The following HNRNPC variants were observed in gnomAD, a reference collection of about 807,000 sequenced individuals.
HNRNPC encodes heterogeneous nuclear ribonucleoprotein C, also known as heterogeneous nuclear ribonucleoproteins C1/C2.
A neutral mutation model predicts 33.2 loss-of-function variants in HNRNPC; 3 were observed. The ratio of observed to expected loss-of-function variants is 0.09; its 90% CI spans 0.04 to 0.23. HNRNPC has a LOEUF of 0.23. Among genes scored for constraint, HNRNPC ranks in the 10% least tolerant of loss-of-function variants. The probability of loss-of-function intolerance (pLI) is 1.00; values close to 1 mark genes in which losing one functional copy is unlikely to be tolerated. For missense variants in HNRNPC, 143 were observed against 366.7 expected, an observed-to-expected ratio of 0.39 and a Z score of 4.98; for synonymous variants, 121 against 126.7, an observed-to-expected ratio of 0.96 and a Z score of 0.30.
At chr14:21,231,504 T>C in intron 3 of HNRNPC, 1 of 415,600 alleles carries the variant, frequency 2.4e-6, no homozygotes, top group South Asian at 1.7e-5. Flanking sequence ...CTGGTTAATT[T>C]TTCTATTTTT....
intron 5 of HNRNPC, among the ~76,000 whole-genome samples, chr14:21,214,335 T>C (rs536903091): frequency 2.2e-4 from 33 of 152,358 alleles, no homozygotes; most frequent in Non-Finnish European, 4.6e-4. Context: ...ATCTCCAATC[T>C]TCCTGTAGTG....
intron 2 of HNRNPC, among the ~76,000 whole-genome samples, chr14:21,249,142 C>A (rs376005305): frequency 5.3e-5 from 8 of 152,112 alleles, no homozygotes; most frequent in African/African-American, 1.7e-4. Flanking sequence ...TTTCCTTCTG[C>A]AAAGATAGCA....
chr14:21,228,069 C>T (rs1274626450), intron 5 of HNRNPC, among the ~76,000 whole-genome samples: 1 of 152,150 alleles, frequency 6.6e-6, no homozygotes, highest in East Asian at 1.9e-4. Flanking sequence ...GTGTAAGAAT[C>T]CCTATAGGAG....
intron 2 of HNRNPC, among the ~76,000 whole-genome samples, chr14:21,258,371 CAG>C (rs1407664819): frequency 6.7e-6 from 1 of 149,840 alleles, no homozygotes; most frequent in Non-Finnish European, 1.5e-5. Context: ...AGCCTGGTGA[CAG>C]AGCGAGACTA....
rs115132517 is a variant in HNRNPC, at chr14:21,232,513, G to A, written c.241+1440C>T. On this transcript the variant is annotated intron_variant, in intron 3 of 8. Transcript: ENST00000553300. Reference sequence around the variant, plus strand: ...GCCTCCTGAGCGGCTGGGATTACCGGTACCCAGAACCACAGCCTGCTAATT... The same window carrying A: ...GCCTCCTGAGCGGCTGGGATTACCGATACCCAGAACCACAGCCTGCTAATT... 8.0e-3 allele frequency among the ~76,000 whole-genome samples: 1,211 copies of A among 152,016 alleles called. 20 individuals are homozygous for A. Among genetic ancestry groups the A allele is most frequent in the African/African-American group, 0.028 (1,155 of 41,456 alleles).
In HNRNPC at chr14:21,210,714, A is replaced by G. The variant is rs1248195475; in HGVS notation, c.*509T>C. ...TCTAGAGGATGCATTTGACATGCCA[A>G]CTCTCATTCACAAAAATACATTGTT... On this transcript the variant is annotated 3_prime_UTR_variant, in exon 9 of 9. Transcript: ENST00000553300. 1 of 153,282 alleles carries G rather than the reference A, an allele frequency of 6.5e-6. No individual in the cohort carries two copies. The highest frequency in any genetic ancestry group is 1.5e-5 in the Non-Finnish European group (1 of 68,572). 9.5% of individuals were successfully genotyped at this position (153,282 alleles called of 1,614,324 possible).
intron 5 of HNRNPC, among the ~76,000 whole-genome samples, chr14:21,219,489 G>A (rs984166326): frequency 6.6e-6 from 1 of 152,096 alleles, no homozygotes; most frequent in African/African-American, 2.4e-5. Context: ...CAATGACACC[G>A]CTAATTCAAA....
intron 5 of HNRNPC, among the ~76,000 whole-genome samples, chr14:21,221,628 A>T (rs1168496385): frequency 6.6e-6 from 1 of 152,240 alleles, no homozygotes; most frequent in Non-Finnish European, 1.5e-5. Context: ...AGAAACAGTT[A>T]AAATTTTCTA....
intron 5 of HNRNPC, among the ~76,000 whole-genome samples, chr14:21,223,129 CCAGGAGGCAGAGGTTG>C (rs1462009589): frequency 1.3e-5 from 2 of 152,058 alleles, no homozygotes; most frequent in African/African-American, 2.4e-5. Flanking sequence ...TCACTTGAAA[CCAGGAGGCAGAGGTTG>C]CACTGAGCCA....
At chr14:21,232,037 A>T (rs954623067) in intron 3 of HNRNPC, among the ~76,000 whole-genome samples, 7 of 152,196 alleles carry the variant, frequency 4.6e-5, no homozygotes, top group Non-Finnish European at 8.8e-5. Context: ...TGAATAATTG[A>T]TCAATTGCTT....
intron 6 of HNRNPC, among the ~76,000 whole-genome samples, chr14:21,212,417 C>CA (rs1313599234): frequency 2.0e-5 from 3 of 152,088 alleles, no homozygotes; most frequent in East Asian, 1.9e-4. Context: ...TTAAATAACA[C>CA]AAAAAAATCT....
chr14:21,246,683 AGAT>A (rs1896015371), intron 2 of HNRNPC, among the ~76,000 whole-genome samples: 1 of 152,294 alleles, frequency 6.6e-6, no homozygotes, highest in Non-Finnish European at 1.5e-5. Context: ...GATGCTCTCC[AGAT>A]GCTACTTTTC....
At position 21,226,115 on chromosome 14, in the gene HNRNPC, G is replaced by C. The variant is rs1402106502; in HGVS notation, c.365+4204C>G. ...GATGGATCATGAAGTCAGGTGAGGA[G>C]TTTGAGACCAGTCTGGCCAACATAC... is the stretch of plus-strand genomic sequence containing the variant. On this transcript the variant is annotated intron_variant, in intron 5 of 8. Coordinates refer to ENST00000553300, the MANE Select transcript of HNRNPC (RefSeq NM_004500.4). Among the ~76,000 whole-genome samples the C allele has an allele frequency of 2.0e-5, 3 of 152,030 alleles. No homozygotes were observed. The East Asian group carries it at 5.8e-4, about 29-fold the overall frequency.
chr14:21,244,141 C>T (rs943684604), intron 2 of HNRNPC, among the ~76,000 whole-genome samples: 49 of 151,896 alleles, frequency 3.2e-4, no homozygotes, highest in African/African-American at 1.0e-3. Context: ...GGACTACAGG[C>T]GCCCGCCACC....
At chr14:21,231,410 G>A (rs1414328972) in intron 3 of HNRNPC, 5 of 466,378 alleles carry the variant, frequency 1.1e-5, no homozygotes, top group South Asian at 3.1e-5. Context: ...AAGCTGGAGT[G>A]CAGTGATGCA....
chr14:21,223,933 C>G (rs561882631), intron 5 of HNRNPC, among the ~76,000 whole-genome samples: 1 of 152,226 alleles, frequency 6.6e-6, no homozygotes, highest in African/African-American at 2.4e-5. Context: ...GTACCCTCTC[C>G]ACCTAAAATG....
chr14:21,228,937 T>G lies in HNRNPC; in HGVS notation c.365+1382A>C, dbSNP rs138463158. Among the ~76,000 whole-genome samples the G allele has an allele frequency of 2.7e-3, 408 of 151,016 alleles. 4 individuals are homozygous for G. The highest frequency in any genetic ancestry group is 9.5e-3 in the African/African-American group (392 of 41,102). On this transcript the variant is annotated intron_variant, in intron 5 of 8. Coordinates refer to ENST00000553300, the MANE Select transcript of HNRNPC (RefSeq NM_004500.4). ...CAGCCTCTACTAAAAATACAAAAATTAGCCGGGAGTGGTGGTGCATGCCTG... is the reference window on the plus strand; with the variant it reads ...CAGCCTCTACTAAAAATACAAAAATGAGCCGGGAGTGGTGGTGCATGCCTG...
intron 2 of HNRNPC, among the ~76,000 whole-genome samples, chr14:21,250,881 A>C (rs937026453): frequency 6.6e-6 from 1 of 152,198 alleles, no homozygotes; most frequent in African/African-American, 2.4e-5. Flanking sequence ...GTGAGACTCT[A>C]TTCCTAGGTA....
intron 2 of HNRNPC, among the ~76,000 whole-genome samples, chr14:21,248,016 A>G (rs886227717): frequency 2.8e-4 from 43 of 151,974 alleles, no homozygotes; most frequent in Non-Finnish European, 7.4e-5. Flanking sequence ...AACCCGTATC[A>G]TCACAAATTC....
Sources: allele counts gnomAD v4.1 joint callset (sites outside exome capture counted in the v4.1 genomes callset), GRCh38; gene constraint gnomAD v4.1.1; transcripts MANE v1.5; gene names NCBI Gene and HGNC (gene_info 2026-07-23, HGNC 2026-07-21).